The following PCDHGA2 variants were observed in gnomAD, a reference collection of about 807,000 sequenced individuals.
PCDHGA2 encodes protocadherin gamma-A2.
A neutral mutation model predicts 59.2 loss-of-function variants in PCDHGA2; 40 were observed. The observed-to-expected ratio is 0.68, with a 90% CI of 0.52 to 0.88. PCDHGA2 has a LOEUF of 0.88. Among genes scored for constraint, PCDHGA2 ranks in the 40% least tolerant of loss-of-function variants. The probability of loss-of-function intolerance (pLI) is 0.00; values close to 1 mark genes in which losing one functional copy is unlikely to be tolerated. For missense variants in PCDHGA2, 1,226 were observed against 1,204.0 expected (o/e 1.02, Z -0.27); for synonymous variants, 560 against 526.0 (o/e 1.06, Z -0.89).
At position 141,431,525 on chromosome 5, in the gene PCDHGA2, G is replaced by A. The variant is rs1390184616; in HGVS notation, c.2425-63282G>A. The A allele has an allele frequency of 5.6e-6, 9 of 1,613,956 alleles. No individual in the cohort carries two copies. Among genetic ancestry groups the A allele is most frequent in the Non-Finnish European group, 7.6e-6 (9 of 1,180,044 alleles). ...CCGCGCGAGCGTTCCGGAGAATCTG[G>A]CCTTGGGCACGCAGCTGCTTGTAGT... On this transcript the variant is annotated intron_variant, in intron 1 of 3. Transcript: ENST00000394576. This position sits in a 1 kb window ranked among gnomAD's most constrained non-coding sequence, Gnocchi z 4.8.
In PCDHGA2 at chr5:141,414,114, T is replaced by C. The variant is rs145910780; in HGVS notation, c.2424+72719T>C. The C allele has an allele frequency of 2.0e-5, 32 of 1,592,348 alleles. 2 individuals carry two copies. In the East Asian group the frequency reaches 6.3e-4, roughly 32 times the overall value. ...TAAAAATATCAGAAAATCTAGATTA[T>C]GAAGAAACCGGTTTCTATGAAATAG... On this transcript the variant is annotated intron_variant, in intron 1 of 3. Coordinates refer to ENST00000394576, the MANE Select transcript of PCDHGA2 (RefSeq NM_018915.4).
chr5:141,396,765 T>A (rs1446594255), intron 1 of PCDHGA2: 1 of 152,246 alleles, frequency 6.6e-6, no homozygotes, highest in Non-Finnish European at 1.5e-5. Flanking sequence ...CAATAAATGT[T>A]TGTTATTAAT....
intron 1 of PCDHGA2, chr5:141,385,119 T>C: frequency 1.2e-6 from 2 of 1,614,212 alleles, no homozygotes; most frequent in South Asian, 2.2e-5. Flanking sequence ...CCTCGCACTT[T>C]GTGGGCATGG....
chr5:141,377,373 A>G (rs1416774435), intron 1 of PCDHGA2: 1 of 152,200 alleles, frequency 6.6e-6, no homozygotes, highest in Non-Finnish European at 1.5e-5. Context: ...CAGGAGGCTG[A>G]GGCAGGAGGA....
At chr5:141,448,488 C>A (rs568050769) in intron 1 of PCDHGA2, among the ~76,000 whole-genome samples, 1 of 152,280 alleles carries the variant, frequency 6.6e-6, no homozygotes, top group African/African-American at 2.4e-5. Context: ...TTCCTCCTGT[C>A]CCCTGTAGGT....
chr5:141,385,282 G>A lies in PCDHGA2; in HGVS notation c.2424+43887G>A, dbSNP rs769141713. ...GAAAAATGATTCTTTGCTAACATCC[G>A]TAGATTTTCAGGAATGTAAAGAAAA... On this transcript the variant is annotated intron_variant, in intron 1 of 3. Transcript: ENST00000394576. 9.3e-6 allele frequency: 15 copies of A among 1,613,370 alleles called. No homozygotes were observed. The Admixed American group carries it at 1.8e-4, about 20-fold the overall frequency.
intron 1 of PCDHGA2, chr5:141,423,343 C>T: frequency 6.2e-7 from 1 of 1,614,208 alleles, no homozygotes; most frequent in South Asian, 1.1e-5. Flanking sequence ...CTGCATCTTC[C>T]TGGTCTTTGT....
chr5:141,511,728 A>C lies in PCDHGA2; in HGVS notation c.*555A>C, dbSNP rs904031366. 2.2e-5 allele frequency: 4 copies of C among 177,940 alleles called. No homozygotes were observed. The highest frequency in any genetic ancestry group is 7.0e-5 in the African/African-American group (3 of 42,626). 11.0% of individuals were successfully genotyped at this position (177,940 alleles called of 1,614,324 possible). ...TCACCTCCTTCCAGAGCCCAAGATC[A>C]ATGCTCAAGTTTTGGAGGACATGAT... On this transcript the variant is annotated 3_prime_UTR_variant, in exon 4 of 4. Coordinates refer to ENST00000394576, the MANE Select transcript of PCDHGA2 (RefSeq NM_018915.4).
At chr5:141,365,366 G>T (rs764735476) in intron 1 of PCDHGA2, 1 of 1,613,792 alleles carries the variant, frequency 6.2e-7, no homozygotes, top group South Asian at 1.1e-5. Context: ...CAATGCCCCC[G>T]AAGTGATCCT....
intron 1 of PCDHGA2, among the ~76,000 whole-genome samples, chr5:141,348,422 C>G (rs1294192949): frequency 6.6e-6 from 1 of 151,974 alleles, no homozygotes; most frequent in Non-Finnish European, 1.5e-5. Context: ...AGGCACGTAA[C>G]TTTTAACATA....
At chr5:141,492,423 G>C (rs1164828445) in intron 1 of PCDHGA2, among the ~76,000 whole-genome samples, 1 of 152,222 alleles carries the variant, frequency 6.6e-6, no homozygotes, top group African/African-American at 2.4e-5. Context: ...CCCTCCGCCG[G>C]GCTCAGGAGT....
At position 141,477,965 on chromosome 5, in the gene PCDHGA2, A is replaced by G. The variant is rs1415974296; in HGVS notation, c.2425-16842A>G. On this transcript the variant is annotated intron_variant, in intron 1 of 3. Coordinates refer to ENST00000394576, the MANE Select transcript of PCDHGA2 (RefSeq NM_018915.4). This position sits in a 1 kb window ranked among gnomAD's most constrained non-coding sequence, Gnocchi z 4.9. ...CAGTCTCTTGGGATCCCCTAACCAGAGCCTTTTTGCCATAGGGCTGCACAC... is the reference window on the plus strand; with the variant it reads ...CAGTCTCTTGGGATCCCCTAACCAGGGCCTTTTTGCCATAGGGCTGCACAC... 4 of 1,614,030 alleles carry G rather than the reference A, an allele frequency of 2.5e-6. No individual in the cohort carries two copies. In the Middle Eastern group the frequency reaches 4.9e-4, roughly 200 times the overall value.
intron 1 of PCDHGA2, among the ~76,000 whole-genome samples, chr5:141,387,513 TA>T (rs1226986342): frequency 5.3e-5 from 8 of 152,366 alleles, no homozygotes; most frequent in East Asian, 3.9e-4. Flanking sequence ...TAGACGTCAT[TA>T]AATATACAGA....
At chr5:141,352,568 A>G in intron 1 of PCDHGA2, 1 of 1,613,966 alleles carries the variant, frequency 6.2e-7, no homozygotes, top group South Asian at 1.1e-5. Flanking sequence ...GACACCGGAA[A>G]TGGCTCCCCC....
In PCDHGA2 at chr5:141,339,738, T is replaced by C; in HGVS notation, c.767T>C (p.Leu256Pro). The change falls in exon 1 of 4, where the codon CTC (leucine) becomes CCC (proline). Residue 256 changes from leucine to proline, a missense_variant. Transcript: ENST00000394576. ...CGCATAAGCATTCCGGAGAATACGC[T>C]CGTGGGCACCCGGATACTCACGGTG... The part of the protein sequence containing the change: ...EYRISIPENT[L>P]VGTRILTVTA... 2 of 1,614,112 alleles carry C rather than the reference T, an allele frequency of 1.2e-6. No homozygotes were observed. Among genetic ancestry groups the C allele is most frequent in the Non-Finnish European group, 1.7e-6 (2 of 1,179,994 alleles).
At chr5:141,361,715 C>T (rs1299117104) in intron 1 of PCDHGA2, 19 of 1,613,280 alleles carry the variant, frequency 1.2e-5, no homozygotes, top group Non-Finnish European at 1.6e-5. Context: ...CAGCTGCGCG[C>T]CTTCGAGCTC....
chr5:141,359,993 C>T (rs1761386380), intron 1 of PCDHGA2: 1 of 1,050,006 alleles, frequency 9.5e-7, no homozygotes, highest in Admixed American at 3.2e-5. Flanking sequence ...AGGGGAACTT[C>T]CTGCACAAAC....
At chr5:141,488,239 G>A (rs576918071) in intron 1 of PCDHGA2, among the ~76,000 whole-genome samples, 3 of 152,222 alleles carry the variant, frequency 2.0e-5, no homozygotes, top group South Asian at 4.1e-4. Context: ...AACTAGATGC[G>A]GTAAATTGGA....
chr5:141,436,713 G>T (rs2097842329), intron 1 of PCDHGA2, among the ~76,000 whole-genome samples: 1 of 152,190 alleles, frequency 6.6e-6, no homozygotes, highest in Non-Finnish European at 1.5e-5. Context: ...TCGATGTTCT[G>T]TTGGGAAAAA....
Sources: allele counts gnomAD v4.1 joint callset (sites outside exome capture counted in the v4.1 genomes callset), GRCh38; gene constraint gnomAD v4.1.1; non-coding constraint Gnocchi (gnomAD v3.1); transcripts MANE v1.5; gene names NCBI Gene and HGNC (gene_info 2026-07-23, HGNC 2026-07-21).